Variants in IL17RC observed in about 807,000 individuals in gnomAD.
IL17RC encodes the protein interleukin-17 receptor C.
A neutral mutation model predicts 86.7 loss-of-function variants in IL17RC; 53 were observed. That is an observed-to-expected ratio of 0.61 (90% CI 0.49 to 0.77). IL17RC has a LOEUF of 0.77. IL17RC is among the 30% of genes least tolerant of loss of function. The pLI, the probability that IL17RC is intolerant of heterozygous loss-of-function variation, is 0.00. For missense variants in IL17RC, 957 were observed against 940.0 expected (o/e 1.02, Z -0.24); for synonymous variants, 439 against 413.1 (o/e 1.06, Z -0.76).
intron 11 of IL17RC, 23 bp from the exon 12 acceptor site, chr3:9,928,557 C>A: frequency 6.2e-7 from 1 of 1,613,864 alleles, no homozygotes; most frequent in Non-Finnish European, 8.5e-7. Context: ...TTTGTGATCC[C>A]ACCCATTCCT....
At chr3:9,931,707 A>T (rs2084719228) in intron 16 of IL17RC, among the ~76,000 whole-genome samples, 1 of 151,538 alleles carries the variant, frequency 6.6e-6, no homozygotes, top group Admixed American at 6.6e-5. Flanking sequence ...GGGTTTCACC[A>T]TCTTGGCCAG....
At chr3:9,920,447 T>A (rs377480538) in intron 5 of IL17RC, 44 bp from the exon 6 acceptor site, 16 of 1,264,346 alleles carry the variant, frequency 1.3e-5, no homozygotes, top group Non-Finnish European at 1.6e-5. Flanking sequence ...TGGCCTGGAT[T>A]CTGAGCCCTG....
intron 7 of IL17RC, among the ~76,000 whole-genome samples, chr3:9,921,985 C>T (rs2083613533): frequency 8.3e-6 from 1 of 119,922 alleles, no homozygotes; most frequent in Non-Finnish European, 1.6e-5. Context: ...CGGAATCTTG[C>T]TCTGTCGCCT....
At position 9,933,243 on chromosome 3, in the gene IL17RC, C is replaced by T; in HGVS notation, c.1813C>T (p.Pro605Ser). The change falls in exon 19 of 19, where the codon CCG becomes TCG. Residue 605 changes from proline to serine, a missense_variant. By Grantham distance (74) the Pro-to-Ser change is moderately conservative (BLOSUM62 -1). Coordinates refer to ENST00000403601, the MANE Select transcript of IL17RC (RefSeq NM_153460.4). ...GGTGTCCGGGCCCGGGGCGCACGGCCCGCACGACGCCTTCCGCGCCTCGCT... is the reference window on the plus strand; with the variant it reads ...GGTGTCCGGGCCCGGGGCGCACGGCTCGCACGACGCCTTCCGCGCCTCGCT... ...DGVSGPGAHG[P>S]HDAFRASLSC... 6 of 1,605,040 alleles carry T rather than the reference C, an allele frequency of 3.7e-6. No homozygotes were observed. The highest frequency in any genetic ancestry group is 5.1e-6 in the Non-Finnish European group (6 of 1,176,368).
intron 12 of IL17RC, 22 bp from the exon 13 acceptor site, chr3:9,929,830 A>G: frequency 6.2e-7 from 1 of 1,613,942 alleles, no homozygotes. Flanking sequence ...TAGTGGCCCT[A>G]ACCATGGTCT....
chr3:9,930,936 G>A lies in IL17RC; in HGVS notation c.1380G>A (p.Met460Ile). The A allele has an allele frequency of 6.2e-7, 1 of 1,613,726 alleles. No individual in the cohort carries two copies. The highest frequency in any genetic ancestry group is 8.5e-7 in the Non-Finnish European group (1 of 1,179,640). ...TGGGAGCGCTATGGGCCTGCCCCAT[G>A]GACAAATGTGAGTATTGTAAGAACT... ...DDLGALWACP[M>I]DKYIHKRWAL... The change falls in exon 16 of 19, where the codon ATG becomes ATA. Residue 460 changes from methionine (M) to isoleucine (I), a missense_variant. Met to Ile is a conservative substitution (Grantham distance 10). Transcript: ENST00000403601. The surrounding 1 kb of genome is among the most constrained non-coding windows in gnomAD (Gnocchi z 5.8).
chr3:9,931,631 G>A lies in IL17RC; in HGVS notation c.1387+688G>A, dbSNP rs554058604. Among the ~76,000 whole-genome samples the A allele has an allele frequency of 7.7e-4, 117 of 151,398 alleles. 1 individual carries two copies. The highest frequency in any genetic ancestry group is 2.7e-3 in the African/African-American group (111 of 41,134). On this transcript the variant is annotated intron_variant, in intron 16 of 18. Transcript: ENST00000403601. ...AAGCAATTCTCTACCTCAGCCTCCC[G>A]GGTAGCTGGGATTAATAGGCGCCTG...
At chr3:9,919,459 A>G (rs2083365727) in intron 5 of IL17RC, among the ~76,000 whole-genome samples, 1 of 152,024 alleles carries the variant, frequency 6.6e-6, no homozygotes, top group South Asian at 2.1e-4. Context: ...CCTGGCTAAC[A>G]CTGTGAAACC....
At position 9,923,959 on chromosome 3, in the gene IL17RC, G is replaced by C. The variant is rs753887371; in HGVS notation, c.701G>C (p.Gly234Ala). The C allele has an allele frequency of 6.2e-7, 1 of 1,614,046 alleles. No homozygotes were observed. Among genetic ancestry groups the C allele is most frequent in the South Asian group, 1.1e-5 (1 of 91,076 alleles). The change falls in exon 8 of 19, where the codon GGC becomes GCC. Residue 234 changes from glycine to alanine, a missense_variant. By Grantham distance (60) the Gly-to-Ala change is moderately conservative. Coordinates refer to ENST00000403601, the MANE Select transcript of IL17RC (RefSeq NM_153460.4). ...AATGTCTCTGAGGAGCAGCACTTCG[G>C]CCTCTCCCTGTACTGGAATCAGGTC... ...VLNVSEEQHF[G>A]LSLYWNQVQG...
rs1330078870 is a variant in IL17RC, at chr3:9,918,500, C to T, written c.356C>T (p.Ala119Val). The T allele has an allele frequency of 1.2e-6, 2 of 1,613,640 alleles. No individual in the cohort carries two copies. The highest frequency in any genetic ancestry group is 2.7e-5 in the African/African-American group (2 of 74,932). Residue 119 changes from alanine to valine, a missense_variant and splice_region_variant, in exon 5 of 19, where the codon GCC becomes GTC. Coordinates refer to ENST00000403601, the MANE Select transcript of IL17RC (RefSeq NM_153460.4). ...CTGACCCCTGCCCTGTTGCCCACAG[C>T]CTCTCTCCAGGCCCAAGTCGTGCTC... Reference protein sequence around the residue: ...ADSGVEEPRNASLQAQVVLSF... With the variant: ...ADSGVEEPRNVSLQAQVVLSF...
chr3:9,932,619 C>G lies in IL17RC; in HGVS notation c.1399C>G (p.Arg467Gly). ...TCTGGGTCTCCCAGACATCCACAAG[C>G]GCTGGGCCCTCGTGTGGCTGGCCTG... is the stretch of plus-strand genomic sequence containing the variant. ...ACPMDKYIHKRWALVWLACLL... is the reference protein window; with the variant it reads ...ACPMDKYIHKGWALVWLACLL... Residue 467 changes from arginine to glycine, a missense_variant, in exon 17 of 19, where the codon CGC becomes GGC. Physicochemically the swap from Arg to Gly is moderately radical, Grantham distance 125 (BLOSUM62 -2). Coordinates refer to ENST00000403601, the MANE Select transcript of IL17RC (RefSeq NM_153460.4). The G allele has an allele frequency of 1.9e-6, 3 of 1,614,074 alleles. No individual in the cohort carries two copies. The highest frequency in any genetic ancestry group is 2.5e-6 in the Non-Finnish European group (3 of 1,179,904).
Position 9,933,248 on chromosome 3 carries a change from C to T in IL17RC, c.1818C>T (p.His606=). 6.2e-7 allele frequency: 1 copy of T among 1,604,208 alleles called. No homozygotes were observed. Among genetic ancestry groups the T allele is most frequent in the Non-Finnish European group, 8.5e-7 (1 of 1,175,998 alleles). ...GVSGPGAHGP[H]DAFRASLSCV... is the part of the protein sequence containing the mutation. ...CCGGGCCCGGGGCGCACGGCCCGCACGACGCCTTCCGCGCCTCGCTCAGCT... is the reference window on the plus strand; with the variant it reads ...CCGGGCCCGGGGCGCACGGCCCGCATGACGCCTTCCGCGCCTCGCTCAGCT... The change falls in exon 19 of 19, where the codon CAC becomes CAT. Residue 606 remains histidine (H), a synonymous_variant. Coordinates refer to ENST00000403601, the MANE Select transcript of IL17RC (RefSeq NM_153460.4).
rs763525201 is a variant in IL17RC, at chr3:9,932,855, G to A, written c.1519G>A (p.Gly507Arg). ...GCTCTTGAAACAGGACGTCCGCTCG[G>A]GGGGTGAGTGGGAGCAAGCGCTGGG... is the stretch of plus-strand genomic sequence containing the variant. ...LRLLKQDVRS[G>R]AAARGRAALL... The change falls in exon 18 of 19, where the codon GGG (glycine) becomes AGG (arginine). Residue 507 changes from glycine (G) to arginine (R), a missense_variant. By Grantham distance (125) the Gly-to-Arg change is moderately radical. Coordinates refer to ENST00000403601, the MANE Select transcript of IL17RC (RefSeq NM_153460.4). The A allele has an allele frequency of 1.0e-5, 16 of 1,570,726 alleles. No homozygotes were observed. In the East Asian group the frequency reaches 2.9e-4, roughly 29 times the overall value.
At chr3:9,922,760 A>G (rs2616568) in intron 7 of IL17RC, among the ~76,000 whole-genome samples, 85,314 of 151,864 alleles carry the variant, frequency 0.56, 24,749 homozygotes, top group African/African-American at 0.63. Flanking sequence ...GAGGTCAGGG[A>G]TGGTCTCATT....
intron 5 of IL17RC, among the ~76,000 whole-genome samples, chr3:9,919,806 A>G (rs991472708): frequency 8.6e-5 from 13 of 151,968 alleles, no homozygotes; most frequent in African/African-American, 3.1e-4. Context: ...TAGTATCCTC[A>G]TTTTCCAGAT....
chr3:9,931,464 C>T (rs1386202293), intron 16 of IL17RC, among the ~76,000 whole-genome samples: 670 of 10,312 alleles, frequency 0.065, 5 homozygotes, highest in African/African-American at 0.075. Context: ...CACACACACA[C>T]ACACACATAT....
In IL17RC at chr3:9,933,589, C is replaced by T; in HGVS notation, c.2159C>T (p.Thr720Ile). 3 of 1,589,712 alleles carry T rather than the reference C, an allele frequency of 1.9e-6. No homozygotes were observed. In the South Asian group the frequency reaches 3.4e-5, roughly 18 times the overall value. Reference sequence around the variant, plus strand: ...GCGGGACCTGGGGCGGGGGACGGGACTTAAATAAAGGCAGACGCTGTTTTT... The same window carrying T: ...GCGGGACCTGGGGCGGGGGACGGGATTTAAATAAAGGCAGACGCTGTTTTT... ...PGAGPGAGDG[T>I] Residue 720 changes from threonine (T) to isoleucine (I), a missense_variant, in exon 19 of 19, where the codon ACT (threonine) becomes ATT (isoleucine). Physicochemically the swap from Thr to Ile is moderately conservative, Grantham distance 89. Coordinates refer to ENST00000403601, the MANE Select transcript of IL17RC (RefSeq NM_153460.4).
chr3:9,930,930 C>T lies in IL17RC; in HGVS notation c.1374C>T (p.Cys458=). Residue 458 remains cysteine, a synonymous_variant, in exon 16 of 19, where the codon TGC becomes TGT. Coordinates refer to ENST00000403601, the MANE Select transcript of IL17RC (RefSeq NM_153460.4). This position sits in a 1 kb window ranked among gnomAD's most constrained non-coding sequence, Gnocchi z 5.8. The part of the protein sequence containing the change: ...WDDDLGALWA[C]PMDKYIHKRW... ...ATGACTTGGGAGCGCTATGGGCCTG[C>T]CCCATGGACAAATGTGAGTATTGTA... 2 of 1,613,790 alleles carry T rather than the reference C, an allele frequency of 1.2e-6. No individual in the cohort carries two copies. Among genetic ancestry groups the T allele is most frequent in the Non-Finnish European group, 1.7e-6 (2 of 1,179,674 alleles).
rs868654513 is a variant in IL17RC, at chr3:9,917,891, G to C, written c.128-32G>C. The C allele has an allele frequency of 7.4e-6, 12 of 1,612,464 alleles. No homozygotes were observed. The African/African-American group carries it at 9.3e-5, about 13-fold the overall frequency. On this transcript the variant is annotated intron_variant, in intron 2 of 18. Transcript: ENST00000403601. ...GCCACCAAATTCTGGGCTTGGAACA[G>C]CTTCAGCTCCCACCCGCTCCTCCAC... is the stretch of plus-strand genomic sequence containing the variant.
Sources: allele counts gnomAD v4.1 joint callset (sites outside exome capture counted in the v4.1 genomes callset), GRCh38; gene constraint gnomAD v4.1.1; non-coding constraint Gnocchi (gnomAD v3.1); transcripts MANE v1.5; gene names NCBI Gene and HGNC (gene_info 2026-07-23, HGNC 2026-07-21).